Variants in PDE4D observed in about 807,000 individuals in gnomAD.
PDE4D encodes 3',5'-cyclic-AMP phosphodiesterase 4D.
PDE4D carries 24 observed loss-of-function variants against 87.4 expected under a neutral mutation model. The observed-to-expected ratio is 0.27, with a 90% CI of 0.20 to 0.39. The LOEUF is 0.39. Among genes scored for constraint, PDE4D ranks in the 10% least tolerant of loss-of-function variants. The pLI, the probability that PDE4D is intolerant of heterozygous loss-of-function variation, is 1.00. For missense variants in PDE4D, 714 were observed against 1,041.0 expected (o/e 0.69, Z 4.32); for synonymous variants, 384 against 383.2 (o/e 1.00, Z -0.02).
intron 1 of PDE4D, among the ~76,000 whole-genome samples, chr5:59,253,552 G>A (rs1760397141): frequency 6.6e-6 from 1 of 152,014 alleles, no homozygotes; most frequent in African/African-American, 2.4e-5. Flanking sequence ...TGAAGAAAAT[G>A]TATGCATTTT....
intron 1 of PDE4D, among the ~76,000 whole-genome samples, chr5:59,377,936 C>T (rs894574258): frequency 6.6e-6 from 1 of 152,110 alleles, no homozygotes; most frequent in African/African-American, 2.4e-5. Flanking sequence ...TGGGTGTATA[C>T]CCAAAGGAAT....
chr5:60,474,592 T>A (rs943098293), intron 1 of PDE4D, among the ~76,000 whole-genome samples: 7 of 152,164 alleles, frequency 4.6e-5, no homozygotes, highest in Non-Finnish European at 7.4e-5. Context: ...TGTCCCTTTT[T>A]AAATAATTTA....
At chr5:60,454,579 C>T (rs944061638) in intron 1 of PDE4D, among the ~76,000 whole-genome samples, 4 of 152,040 alleles carry the variant, frequency 2.6e-5, no homozygotes, top group East Asian at 1.9e-4. Context: ...TGTTTTCACT[C>T]GTAAGTGGGA....
intron 5 of PDE4D, among the ~76,000 whole-genome samples, chr5:59,150,236 T>C (rs1178045341): frequency 6.6e-6 from 1 of 152,132 alleles, no homozygotes; most frequent in African/African-American, 2.4e-5. Flanking sequence ...AGCTCTGCAG[T>C]AGTATCACTG....
At chr5:60,257,018 A>G (rs894207171) in intron 1 of PDE4D, among the ~76,000 whole-genome samples, 1 of 151,938 alleles carries the variant, frequency 6.6e-6, no homozygotes, top group Non-Finnish European at 1.5e-5. Flanking sequence ...AATACATAGA[A>G]TAAAACATCA....
At chr5:59,036,348 G>T (rs1428616561) in intron 6 of PDE4D, among the ~76,000 whole-genome samples, 1 of 152,190 alleles carries the variant, frequency 6.6e-6, no homozygotes, top group Non-Finnish European at 1.5e-5. Flanking sequence ...AGAATAAACT[G>T]AAAATATCAG....
At chr5:59,217,097 G>A (rs1751427242) in intron 1 of PDE4D, 2 of 421,646 alleles carry the variant, frequency 4.7e-6, no homozygotes, top group Admixed American at 2.9e-5. Flanking sequence ...TACACACACA[G>A]TTCTTAACGT....
intron 1 of PDE4D, among the ~76,000 whole-genome samples, chr5:59,292,197 A>G (rs1177461833): frequency 2.0e-5 from 3 of 152,136 alleles, no homozygotes; most frequent in Non-Finnish European, 4.4e-5. Flanking sequence ...AGATTCCTGC[A>G]GGATTTAAGT....
chr5:59,835,268 TG>T (rs1741846020), intron 1 of PDE4D, among the ~76,000 whole-genome samples: 1 of 152,028 alleles, frequency 6.6e-6, no homozygotes, highest in African/African-American at 2.4e-5. Flanking sequence ...TTGTGCATAT[TG>T]GAAAAGCCTT....
At chr5:59,514,427 C>T (rs911433444) in intron 1 of PDE4D, among the ~76,000 whole-genome samples, 2 of 152,068 alleles carry the variant, frequency 1.3e-5, no homozygotes, top group African/African-American at 4.8e-5. Flanking sequence ...TTTAGAATCT[C>T]GGTCTACCAC....
rs183921002 is a variant in PDE4D, at chr5:59,213,850, C to A, written c.647+1927G>T. ...GTACTTTAACTGTTGTCTTGTTTCC[C>A]CTAGCCTTATCATGTACAAACCAAT... is the stretch of plus-strand genomic sequence containing the variant. On this transcript the variant is annotated intron_variant, in intron 2 of 14. Coordinates refer to ENST00000340635, the MANE Select transcript of PDE4D (RefSeq NM_001104631.2). Among the ~76,000 whole-genome samples the A allele has an allele frequency of 3.2e-4, 49 of 152,104 alleles. 1 individual carries two copies. Among genetic ancestry groups the A allele is most frequent in the Admixed American group, 2.5e-3 (38 of 15,268 alleles).
At chr5:59,160,108 TTTCATGAATA>T (rs1306595306) in intron 5 of PDE4D, among the ~76,000 whole-genome samples, 3 of 152,214 alleles carry the variant, frequency 2.0e-5, no homozygotes, top group African/African-American at 4.8e-5. Flanking sequence ...TTTCAGAGAT[TTTCATGAATA>T]TTCAATATAC....
intron 2 of PDE4D, among the ~76,000 whole-genome samples, chr5:60,155,375 G>T (rs1781878339): frequency 6.6e-6 from 1 of 151,988 alleles, no homozygotes; most frequent in South Asian, 2.1e-4. Context: ...TTGACTATTT[G>T]GATTTCTTCT....
chr5:59,462,395 A>G (rs774622085), intron 1 of PDE4D, among the ~76,000 whole-genome samples: 60 of 152,156 alleles, frequency 3.9e-4, no homozygotes, highest in African/African-American at 1.4e-3. Context: ...AGCAGATGAT[A>G]GGGTGGCATA....
At chr5:59,872,291 ACACACACAC>A (rs1250312812) in intron 1 of PDE4D, among the ~76,000 whole-genome samples, 24 of 140,142 alleles carry the variant, frequency 1.7e-4, no homozygotes, top group African/African-American at 7.3e-4. Context: ...ACACACACAC[ACACACACAC>A]AAGAGCACAC....
chr5:60,411,628 ATATT>A (rs1247054743), intron 1 of PDE4D, among the ~76,000 whole-genome samples: 1 of 152,200 alleles, frequency 6.6e-6, no homozygotes, highest in African/African-American at 2.4e-5. Flanking sequence ...TTATTTCCGA[ATATT>A]TAAGTCCAAT....
intron 1 of PDE4D, among the ~76,000 whole-genome samples, chr5:59,574,055 T>G (rs1822425853): frequency 1.5e-5 from 1 of 68,426 alleles, no homozygotes; most frequent in African/African-American, 6.3e-5. Flanking sequence ...TATATTTATA[T>G]ATAAAAATAT....
chr5:60,346,790 T>C (rs1395664659), intron 1 of PDE4D, among the ~76,000 whole-genome samples: 2 of 152,208 alleles, frequency 1.3e-5, no homozygotes, highest in Non-Finnish European at 2.9e-5. Flanking sequence ...GATTCCTTAG[T>C]AAAGCATTGT....
At chr5:60,302,731 T>C (rs1257530611) in intron 1 of PDE4D, among the ~76,000 whole-genome samples, 1 of 152,234 alleles carries the variant, frequency 6.6e-6, no homozygotes, top group African/African-American at 2.4e-5. Flanking sequence ...TTGCTCTTGA[T>C]TCTCTAGTTC....
Sources: allele counts gnomAD v4.1 joint callset (sites outside exome capture counted in the v4.1 genomes callset), GRCh38; gene constraint gnomAD v4.1.1; transcripts MANE v1.5; gene names NCBI Gene and HGNC (gene_info 2026-07-23, HGNC 2026-07-21).